ROR1: variants seen among roughly 807,000 people sequenced by gnomAD.
ROR1 encodes ROR family WNT receptor 1, also known as inactive tyrosine-protein kinase transmembrane receptor ROR1.
In ROR1, 19 loss-of-function variants were observed where a neutral mutation model predicts 78.8. That is an observed-to-expected ratio of 0.24 (90% CI 0.17 to 0.35). The LOEUF is 0.35. Among genes scored for constraint, ROR1 ranks in the 10% least tolerant of loss-of-function variants. The pLI, the probability that ROR1 is intolerant of heterozygous loss-of-function variation, is 1.00. For synonymous variants in ROR1, 386 were observed against 433.6 expected, an observed-to-expected ratio of 0.89 and a Z score of 1.36; for missense variants, 917 against 1,177.8, an observed-to-expected ratio of 0.78 and a Z score of 3.24.
intron 8 of ROR1, among the ~76,000 whole-genome samples, chr1:64,162,457 A>G (rs1002030329): frequency 1.3e-5 from 2 of 152,216 alleles, no homozygotes; most frequent in East Asian, 3.9e-4. Flanking sequence ...TTGATGAGCC[A>G]TGAGTTTCCT....
chr1:63,907,222 A>T (rs1645536434), intron 1 of ROR1, among the ~76,000 whole-genome samples: 1 of 152,198 alleles, frequency 6.6e-6, no homozygotes, highest in African/African-American at 2.4e-5. Context: ...TATTTTGCCC[A>T]GGAGTATGGT....
chr1:64,078,318 C>A (rs1158675560), intron 4 of ROR1, among the ~76,000 whole-genome samples: 4 of 152,048 alleles, frequency 2.6e-5, no homozygotes, highest in Non-Finnish European at 5.9e-5. Context: ...ATTGCGGGCA[C>A]AGGAAACAAA....
At chr1:64,032,340 C>CAAAAAAAAAAAAAAAAA (rs66602515) in intron 2 of ROR1, among the ~76,000 whole-genome samples, 1 of 76,326 alleles carries the variant, frequency 1.3e-5, no homozygotes, top group Non-Finnish European at 2.5e-5. Context: ...GACTCCGTCT[C>CAAAAAAAAAAAAAAAAA]AAAAAAAAAA....
At chr1:64,023,583 T>C (rs916284590) in intron 2 of ROR1, among the ~76,000 whole-genome samples, 3 of 152,196 alleles carry the variant, frequency 2.0e-5, no homozygotes, top group Admixed American at 1.3e-4. Context: ...TCTAAACATA[T>C]TTATTTATTG....
At chr1:63,957,038 T>G (rs1284699740) in intron 1 of ROR1, among the ~76,000 whole-genome samples, 2 of 152,220 alleles carry the variant, frequency 1.3e-5, no homozygotes, top group African/African-American at 4.8e-5. Flanking sequence ...CTTGACATCC[T>G]CTGCTTCAGG....
intron 4 of ROR1, among the ~76,000 whole-genome samples, chr1:64,097,499 C>A (rs1304422960): frequency 6.6e-6 from 1 of 151,652 alleles, no homozygotes; most frequent in East Asian, 1.9e-4. Context: ...TTTTTAGGGG[C>A]CTTTATTCTG....
At chr1:64,018,503 T>A (rs540246485) in intron 2 of ROR1, among the ~76,000 whole-genome samples, 3 of 152,320 alleles carry the variant, frequency 2.0e-5, no homozygotes, top group South Asian at 2.1e-4. Flanking sequence ...TTCCTCCCCA[T>A]GCCAGGTGAT....
chr1:64,174,300 C>T (rs1355813009), intron 8 of ROR1, among the ~76,000 whole-genome samples: 3 of 152,106 alleles, frequency 2.0e-5, no homozygotes, highest in African/African-American at 7.2e-5. Flanking sequence ...AAGACCTATG[C>T]CACAGGATCA....
At chr1:63,855,386 T>C (rs1042289516) in intron 1 of ROR1, among the ~76,000 whole-genome samples, 3 of 152,254 alleles carry the variant, frequency 2.0e-5, no homozygotes, top group African/African-American at 7.2e-5. Flanking sequence ...TATTAAATAC[T>C]ATATTTGATA....
At chr1:63,886,697 T>C (rs1429918414) in intron 1 of ROR1, among the ~76,000 whole-genome samples, 1 of 152,122 alleles carries the variant, frequency 6.6e-6, no homozygotes, top group Non-Finnish European at 1.5e-5. Context: ...AGAAGAAAAG[T>C]TTTTCTACTA....
At chr1:64,014,970 C>T (rs12061342) in intron 2 of ROR1, among the ~76,000 whole-genome samples, 7,393 of 150,594 alleles carry the variant, frequency 0.049, 295 homozygotes, top group African/African-American at 0.11. Flanking sequence ...CAGATAAAGA[C>T]ATACCCGAGA....
intron 2 of ROR1, among the ~76,000 whole-genome samples, chr1:64,021,430 A>G (rs996026552): frequency 4.6e-5 from 7 of 152,230 alleles, no homozygotes; most frequent in African/African-American, 7.2e-5. Flanking sequence ...TTCCTGTCTC[A>G]TGAACCTCAC....
intron 1 of ROR1, among the ~76,000 whole-genome samples, chr1:63,827,854 C>T (rs1644965175): frequency 6.6e-6 from 1 of 152,124 alleles, no homozygotes; most frequent in African/African-American, 2.4e-5. Context: ...CAGCCAGGAG[C>T]ATCTGCACCT....
At chr1:63,938,918 G>A (rs982647683) in intron 1 of ROR1, among the ~76,000 whole-genome samples, 1 of 152,092 alleles carries the variant, frequency 6.6e-6, no homozygotes, top group Non-Finnish European at 1.5e-5. Context: ...GGATTGCTGG[G>A]GCCCAGGAGG....
intron 1 of ROR1, among the ~76,000 whole-genome samples, chr1:63,777,936 T>A (rs1272653149): frequency 6.6e-6 from 1 of 152,240 alleles, no homozygotes; most frequent in African/African-American, 2.4e-5. Context: ...TTCTGATATA[T>A]GCTTTGCTTA....
intron 1 of ROR1, among the ~76,000 whole-genome samples, chr1:63,877,774 T>C (rs1645297115): frequency 1.3e-5 from 2 of 152,192 alleles, no homozygotes; most frequent in South Asian, 4.1e-4. Context: ...AGCTCCTATA[T>C]ATTTATTAGA....
chr1:64,073,376 T>C (rs1647023195), intron 4 of ROR1, among the ~76,000 whole-genome samples: 2 of 152,180 alleles, frequency 1.3e-5, no homozygotes, highest in East Asian at 3.9e-4. Flanking sequence ...AATGCAAGTG[T>C]AAGGCTTTGA....
chr1:64,135,256 A>AG (rs1167806854), intron 4 of ROR1, among the ~76,000 whole-genome samples: 2 of 152,222 alleles, frequency 1.3e-5, no homozygotes, highest in African/African-American at 4.8e-5. Context: ...AAGTATTCAA[A>AG]GAGTCTTTTT....
chr1:63,860,994 C>G (rs1645178421), intron 1 of ROR1, among the ~76,000 whole-genome samples: 2 of 152,146 alleles, frequency 1.3e-5, no homozygotes, highest in Non-Finnish European at 2.9e-5. Context: ...CTTCCCTTCT[C>G]TTGACACACG....
Sources: allele counts gnomAD v4.1 joint callset (sites outside exome capture counted in the v4.1 genomes callset), GRCh38; gene constraint gnomAD v4.1.1; transcripts MANE v1.5; gene names NCBI Gene and HGNC (gene_info 2026-07-23, HGNC 2026-07-21).